Variants in OTOP1 observed in about 807,000 individuals in gnomAD.
OTOP1 encodes the protein otopetrin 1.
A neutral mutation model predicts 52.9 loss-of-function variants in OTOP1; 59 were observed. That is an observed-to-expected ratio of 1.12 (90% CI 0.91 to 1.39). The LOEUF is 1.39. OTOP1 is among the 40% of genes most tolerant of loss of function. OTOP1 has a pLI of 0.00. For synonymous variants in OTOP1, 317 were observed against 337.7 expected, an observed-to-expected ratio of 0.94 and a Z score of 0.67; for missense variants, 761 against 800.9, an observed-to-expected ratio of 0.95 and a Z score of 0.60.
intron 1 of OTOP1, among the ~76,000 whole-genome samples, chr4:4,217,358 G>T (rs1317717327): frequency 6.6e-6 from 1 of 152,218 alleles, no homozygotes; most frequent in Non-Finnish European, 1.5e-5. Flanking sequence ...GACTTTTTCT[G>T]TGCGGCCTGG....
At chr4:4,194,390 T>C (rs1716577296) in intron 5 of OTOP1, among the ~76,000 whole-genome samples, 1 of 152,198 alleles carries the variant, frequency 6.6e-6, no homozygotes, top group African/African-American at 2.4e-5. Flanking sequence ...GCCCCTGGCA[T>C]ACAGCAGTTT....
intron 5 of OTOP1, among the ~76,000 whole-genome samples, chr4:4,194,136 C>T (rs1438851241): frequency 6.6e-6 from 1 of 152,152 alleles, no homozygotes; most frequent in Admixed American, 6.5e-5. Flanking sequence ...TTGCAATGAG[C>T]CAAGATCATG....
chr4:4,220,048 TAC>T (rs34968556), intron 1 of OTOP1, among the ~76,000 whole-genome samples: 85,632 of 125,436 alleles, frequency 0.68, 30,559 homozygotes, highest in African/African-American at 0.82. Flanking sequence ...TATACATATA[TAC>T]ATATACGTGT....
chr4:4,220,891 T>C (rs1717285845), intron 1 of OTOP1, among the ~76,000 whole-genome samples: 1 of 152,024 alleles, frequency 6.6e-6, no homozygotes, highest in African/African-American at 2.4e-5. Context: ...TAGTCTACAT[T>C]CTATCCCATG....
intron 5 of OTOP1, among the ~76,000 whole-genome samples, chr4:4,193,857 C>T (rs896066829): frequency 6.6e-6 from 1 of 152,102 alleles, no homozygotes; most frequent in African/African-American, 2.4e-5. Flanking sequence ...ACCAAAAAGG[C>T]AACCAGGGAA....
In OTOP1 at chr4:4,197,167, G is replaced by A. The variant is rs768518951; in HGVS notation, c.1667C>T (p.Ser556Leu). 19 of 1,596,184 alleles carry A rather than the reference G, an allele frequency of 1.2e-5. No homozygotes were observed. Among genetic ancestry groups the A allele is most frequent in the African/African-American group, 6.7e-5 (5 of 74,210 alleles). The change falls in exon 5 of 6, where the codon TCG (serine) becomes TTG (leucine). Residue 556 changes from serine to leucine, a missense_variant and splice_region_variant. By Grantham distance (145) the Ser-to-Leu change is moderately radical. Around this residue, in one of 3 missense-constraint regions of OTOP1, gnomAD observed 632 missense variants for 619.5 expected, o/e 1.02. Coordinates refer to ENST00000296358, the MANE Select transcript of OTOP1 (RefSeq NM_177998.3). ...TAAGAATAACTTGGTGCAGATTACC[G>A]AAATATTGCAGAGGAACAAGAAGGC... ...IAAFLFLCNI[S>L]LWIPPAFGCR...
At chr4:4,201,469 TATACACAC>T (rs1379825154) in intron 4 of OTOP1, among the ~76,000 whole-genome samples, 2 of 137,670 alleles carry the variant, frequency 1.5e-5, no homozygotes, top group South Asian at 2.3e-4. Flanking sequence ...AATATATATA[TATACACAC>T]ACACACACAC....
chr4:4,204,210 C>A (rs1367460125), intron 3 of OTOP1, among the ~76,000 whole-genome samples: 1 of 152,128 alleles, frequency 6.6e-6, no homozygotes, highest in Non-Finnish European at 1.5e-5. Flanking sequence ...AATGTCCAAG[C>A]ACAATTGGAG....
At chr4:4,225,100 T>G (rs1372629212) in intron 1 of OTOP1, among the ~76,000 whole-genome samples, 1 of 152,188 alleles carries the variant, frequency 6.6e-6, no homozygotes, top group African/African-American at 2.4e-5. Context: ...TAATGGAGAT[T>G]TAAATTCAGG....
At chr4:4,201,598 G>A (rs1227901491) in intron 4 of OTOP1, among the ~76,000 whole-genome samples, 13 of 151,754 alleles carry the variant, frequency 8.6e-5, no homozygotes, top group African/African-American at 2.9e-4. Context: ...TGGTGACTTC[G>A]TTGTCTCCAC....
chr4:4,222,033 T>C (rs1297064169), intron 1 of OTOP1, among the ~76,000 whole-genome samples: 1 of 152,140 alleles, frequency 6.6e-6, no homozygotes, highest in African/African-American at 2.4e-5. Flanking sequence ...TAGTCATCCA[T>C]CCATCCATCC....
At chr4:4,189,184 C>A (rs2083723) in intron 5 of OTOP1, among the ~76,000 whole-genome samples, 12,348 of 152,274 alleles carry the variant, frequency 0.081, 720 homozygotes, top group Admixed American at 0.17. Flanking sequence ...CTTCCTCAAC[C>A]ACCCTTCCCT....
rs749996991 is a variant in OTOP1 at position 4,226,485 on chromosome 4, T to A, written c.380A>T (p.His127Leu). The change falls in exon 1 of 6, where the codon CAC (histidine) becomes CTC (leucine). Residue 127 changes from histidine (H) to leucine (L), a missense_variant. Coordinates refer to ENST00000296358, the MANE Select transcript of OTOP1 (RefSeq NM_177998.3). ...ACCGCGCAGCCAGCCGGCACCCGCG[T>A]GCGTGTCCTTGAGGCGGAAGAGGCG... Reference protein sequence around the residue: ...HRRLFRLKDTHAGAGWLRGSI... With the variant: ...HRRLFRLKDTLAGAGWLRGSI... 1.5e-5 allele frequency: 24 copies of A among 1,552,308 alleles called. No homozygotes were observed. The highest frequency in any genetic ancestry group is 2.0e-5 in the Non-Finnish European group (23 of 1,157,366).
At position 4,199,233 on chromosome 4, in the gene OTOP1, T is replaced by TGTGTGTGAGA. The variant is rs1212354837; in HGVS notation, c.731-1131_731-1130insTCTCACACAC. On this transcript the variant is annotated intron_variant, in intron 4 of 5. Coordinates refer to ENST00000296358, the MANE Select transcript of OTOP1 (RefSeq NM_177998.3). ...ACTCAGGTAAAATTGTGTGTGTGTG[T>TGTGTGTGAGA]GAGAGAGAGAGAGAGAGAGAGAGAG... is the stretch of plus-strand genomic sequence containing the variant. Among the ~76,000 whole-genome samples, 17 of 98,564 alleles carry TGTGTGTGAGA rather than the reference T, an allele frequency of 1.7e-4. 1 individual carries two copies. Among genetic ancestry groups the TGTGTGTGAGA allele is most frequent in the African/African-American group, 7.5e-4 (17 of 22,632 alleles). 64.7% of individuals were successfully genotyped at this position (98,564 alleles called of 152,430 possible).
intron 1 of OTOP1, among the ~76,000 whole-genome samples, chr4:4,214,567 A>G (rs2108803501): frequency 6.6e-6 from 1 of 152,348 alleles, no homozygotes; most frequent in East Asian, 1.9e-4. Context: ...CCATCAACAG[A>G]TGGATAGGTA....
intron 5 of OTOP1, among the ~76,000 whole-genome samples, chr4:4,195,944 A>T (rs1577175062): frequency 6.6e-6 from 1 of 152,152 alleles, no homozygotes; most frequent in South Asian, 2.1e-4. Context: ...AATCTTTAGT[A>T]CCCTGCCCAG....
intron 1 of OTOP1, among the ~76,000 whole-genome samples, chr4:4,214,899 A>G (rs1577182939): frequency 6.6e-6 from 1 of 152,210 alleles, no homozygotes; most frequent in Admixed American, 6.5e-5. Flanking sequence ...TGTTCTTAAC[A>G]CCACTGAGCT....
rs145781170 is a variant in OTOP1 at position 4,197,180 on chromosome 4, G to A, written c.1654C>T (p.Leu552Phe). ...GTGCAGATTACCGAAATATTGCAGA[G>A]GAACAAGAAGGCTGCAATATTCCTC... Reference protein sequence around the residue: ...VLRNIAAFLFLCNISLWIPPA... With the variant: ...VLRNIAAFLFFCNISLWIPPA... The change falls in exon 5 of 6, where the codon CTC becomes TTC. Residue 552 changes from leucine to phenylalanine, a missense_variant. By Grantham distance (22) the Leu-to-Phe change is conservative (BLOSUM62 0). This residue lies in a region of OTOP1 where 632 missense variants were observed against 619.5 expected (regional missense o/e 1.02). Transcript: ENST00000296358. 6.2e-3 allele frequency: 9,911 copies of A among 1,604,814 alleles called. 903 individuals carry two copies. The Admixed American group carries it at 0.16, about 26-fold the overall frequency.
chr4:4,188,945 C>A lies in OTOP1; in HGVS notation c.1697G>T (p.Arg566Leu), dbSNP rs554408396. The A allele has an allele frequency of 7.4e-6, 12 of 1,613,232 alleles. No individual in the cohort carries two copies. The highest frequency in any genetic ancestry group is 1.0e-5 in the Non-Finnish European group (12 of 1,179,526). ...SLWIPPAFGC[R>L]PEYDNGLEEI... ...CTCCAATCCATTGTCATACTCAGGT[C>A]GACAGCCAAAGGCGGGAGGTATCCA... The change falls in exon 6 of 6, where the codon CGA becomes CTA. Residue 566 changes from arginine to leucine, a missense_variant. Physicochemically the swap from Arg to Leu is moderately radical, Grantham distance 102. Around this residue, in one of 3 missense-constraint regions of OTOP1, gnomAD observed 632 missense variants for 619.5 expected, o/e 1.02. Coordinates refer to ENST00000296358, the MANE Select transcript of OTOP1 (RefSeq NM_177998.3).
Sources: gnomAD v4.1 joint callset for allele counts (sites outside exome capture counted in the v4.1 genomes callset) on GRCh38, gnomAD v4.1.1 for gene constraint, gnomAD v4.1.1 regional missense constraint, MANE v1.5 for transcripts, NCBI Gene and HGNC (gene_info 2026-07-23, HGNC 2026-07-21) for gene names.